Variants in ERG observed in about 807,000 individuals in gnomAD.
The protein encoded by ERG is transcriptional regulator ERG.
Under a neutral mutation model 55.3 loss-of-function variants are expected in ERG, and 9 were observed. The ratio of observed to expected loss-of-function variants is 0.16; its 90% confidence interval spans 0.10 to 0.28. The LOEUF (loss-of-function observed/expected upper bound fraction) is 0.28. ERG is among the 10% of genes least tolerant of loss of function. The pLI is 1.00. For synonymous variants in ERG, 223 were observed against 237.3 expected, an observed-to-expected ratio of 0.94 and a Z score of 0.55; for missense variants, 434 against 631.6, an observed-to-expected ratio of 0.69 and a Z score of 3.35.
At chr21:38,501,702 A>T (rs377505481), upstream of ERG, among the ~76,000 whole-genome samples, 8 of 152,212 alleles carry the variant, frequency 5.3e-5, no homozygotes, top group East Asian at 7.8e-4. Context: ...GAGATGCAGT[A>T]ATCACCACAC....
chr21:38,510,816 C>G (rs1379615861), intron 2 of ERG, among the ~76,000 whole-genome samples: 1 of 152,134 alleles, frequency 6.6e-6, no homozygotes, highest in Admixed American at 6.5e-5. Context: ...TTCCCCTGAC[C>G]ACTTACAGAT....
intron 2 of ERG, among the ~76,000 whole-genome samples, chr21:38,426,238 G>A (rs1989819680): frequency 6.6e-6 from 1 of 152,172 alleles, no homozygotes; most frequent in Admixed American, 6.5e-5. Flanking sequence ...TCCTCTTGAT[G>A]CTATTTTTCC....
At chr21:38,538,500 T>G (rs2059728106) in intron 2 of ERG, among the ~76,000 whole-genome samples, 1 of 152,042 alleles carries the variant, frequency 6.6e-6, no homozygotes, top group South Asian at 2.1e-4. Context: ...TGGGCTTCCA[T>G]CTAGCCACTC....
chr21:38,496,109 C>T (rs554236773), intron 1 of ERG, among the ~76,000 whole-genome samples: 1 of 152,200 alleles, frequency 6.6e-6, no homozygotes, highest in South Asian at 2.1e-4. Flanking sequence ...TTCAAGTTAC[C>T]AAGGGAAAAT....
upstream of ERG, among the ~76,000 whole-genome samples, chr21:38,502,876 G>A (rs555189177): frequency 3.1e-5 from 1 of 32,264 alleles, no homozygotes; most frequent in East Asian, 6.1e-4. Context: ...ACAGGTGCCC[G>A]CCACCACCCT....
upstream of ERG, among the ~76,000 whole-genome samples, chr21:38,588,389 A>T (rs1363985226): frequency 1.3e-5 from 2 of 152,166 alleles, no homozygotes; most frequent in Non-Finnish European, 2.9e-5. Context: ...GGGATTCAGT[A>T]TTCAGTCAGG....
At position 38,383,398 on chromosome 21, in the gene ERG, G is replaced by A. The variant is rs1016127039; in HGVS notation, c.*5C>T. The A allele has an allele frequency of 1.0e-5, 15 of 1,488,664 alleles. No homozygotes were observed. Among genetic ancestry groups the A allele is most frequent in the Non-Finnish European group, 1.3e-5 (15 of 1,117,680 alleles). 92.2% of individuals were successfully genotyped at this position (1,488,664 alleles called of 1,614,324 possible). A position where few individuals can be genotyped will look rare whatever the true frequency, so the allele number is the denominator to read the frequency against. The stretch of plus-strand genomic sequence containing the variant: ...ACGCTGATGGGAAAAGCCTCCGCCA[G>A]GTCTTTAGTAGTAAGTGCCCAGATG... On this transcript the variant is annotated 3_prime_UTR_variant, in exon 10 of 10. Coordinates refer to ENST00000288319, the MANE Select transcript of ERG (RefSeq NM_182918.4). This position sits in a 1 kb window ranked among gnomAD's most constrained non-coding sequence, Gnocchi z 5.7.
intron 2 of ERG, among the ~76,000 whole-genome samples, chr21:38,550,576 G>A (rs1217963956): frequency 1.3e-5 from 2 of 152,134 alleles, no homozygotes; most frequent in Non-Finnish European, 2.9e-5. Context: ...TATGAATCAG[G>A]AAGAGAGCCC....
chr21:38,488,419 T>C (rs1183076673), intron 1 of ERG, among the ~76,000 whole-genome samples: 2 of 152,240 alleles, frequency 1.3e-5, no homozygotes, highest in African/African-American at 4.8e-5. Context: ...TTCAGTGTTA[T>C]TGTTTGTTGA....
chr21:38,373,609 C>T, the ERG span, among the ~76,000 whole-genome samples: 1 of 152,156 alleles, frequency 6.6e-6, no homozygotes, highest in Non-Finnish European at 1.5e-5. Context: ...TCAAGCTCTG[C>T]TTTTCACTAG....
intron 6 of ERG, among the ~76,000 whole-genome samples, chr21:38,397,491 G>A (rs368153901): frequency 4.0e-5 from 6 of 151,634 alleles, no homozygotes; most frequent in South Asian, 2.1e-4. Flanking sequence ...CCAGCTACTC[G>A]GGAGGCTGAG....
At chr21:38,412,714 T>C (rs1989114172) in intron 3 of ERG, among the ~76,000 whole-genome samples, 1 of 152,230 alleles carries the variant, frequency 6.6e-6, no homozygotes, top group Non-Finnish European at 1.5e-5. Context: ...AAAAAGTTTA[T>C]TTATTTTATA....
At chr21:38,420,044 T>C (rs1046560127) in intron 3 of ERG, among the ~76,000 whole-genome samples, 2 of 151,956 alleles carry the variant, frequency 1.3e-5, no homozygotes, top group African/African-American at 2.4e-5. Context: ...TTTTTTTTTT[T>C]CACTCAGCTA....
intron 2 of ERG, among the ~76,000 whole-genome samples, chr21:38,424,448 A>T (rs1230229522): frequency 2.0e-5 from 3 of 152,208 alleles, no homozygotes; most frequent in Non-Finnish European, 2.9e-5. Flanking sequence ...CAGAACACGC[A>T]CAAGGGAGGC....
chr21:38,568,801 C>G (rs931258632), intron 2 of ERG, among the ~76,000 whole-genome samples: 2 of 152,166 alleles, frequency 1.3e-5, no homozygotes, highest in African/African-American at 4.8e-5. Flanking sequence ...GGCATCTGTA[C>G]TCGCCTGCTA....
intron 9 of ERG, among the ~76,000 whole-genome samples, chr21:38,384,368 G>A (rs1296133165): frequency 1.3e-5 from 2 of 152,190 alleles, no homozygotes; most frequent in Non-Finnish European, 2.9e-5. Flanking sequence ...AGAACATGCC[G>A]TTAATCAGTC....
intron 2 of ERG, among the ~76,000 whole-genome samples, chr21:38,506,927 A>G (rs1269281470): frequency 6.6e-6 from 1 of 152,140 alleles, no homozygotes; most frequent in Non-Finnish European, 1.5e-5. Context: ...TAATTAAGGC[A>G]GTGTGTCACC....
intron 2 of ERG, among the ~76,000 whole-genome samples, chr21:38,437,029 A>G (rs371939874): frequency 7.9e-5 from 12 of 151,912 alleles, no homozygotes; most frequent in African/African-American, 2.2e-4. Flanking sequence ...CTGGGACTAC[A>G]GGCACCTGCC....
At chr21:38,485,277 TTGAG>T (rs1472354134) in intron 1 of ERG, among the ~76,000 whole-genome samples, 8 of 152,080 alleles carry the variant, frequency 5.3e-5, no homozygotes, top group South Asian at 2.1e-4. Flanking sequence ...ACAAAGCTTA[TTGAG>T]TAAGGATATA....
Sources: gnomAD v4.1 joint callset for allele counts (sites outside exome capture counted in the v4.1 genomes callset) on GRCh38, gnomAD v4.1.1 for gene constraint, Gnocchi (gnomAD v3.1) non-coding constraint, MANE v1.5 for transcripts, NCBI Gene and HGNC (gene_info 2026-07-23, HGNC 2026-07-21) for gene names.